Variants in ZNF12 observed in about 807,000 individuals in gnomAD.
The protein encoded by ZNF12 is gonadotropin inducible transcription repressor 3.
A neutral mutation model predicts 66.6 loss-of-function variants in ZNF12; 34 were observed. The ratio of observed to expected loss-of-function variants is 0.51; its 90% CI spans 0.39 to 0.68. ZNF12 has a LOEUF of 0.68. ZNF12 is among the 30% of genes least tolerant of loss of function. The probability of loss-of-function intolerance (pLI) is 0.00; values close to 1 mark genes in which losing one functional copy is unlikely to be tolerated. For synonymous variants in ZNF12, 320 were observed against 278.9 expected (o/e 1.15, Z -1.47); for missense variants, 697 against 826.9 (o/e 0.84, Z 1.93).
At chr7:6,701,761 C>T (rs1780246497) in intron 2 of ZNF12, among the ~76,000 whole-genome samples, 2 of 152,074 alleles carry the variant, frequency 1.3e-5, no homozygotes, top group Admixed American at 1.3e-4. Flanking sequence ...GCATCTCTGT[C>T]CCCTCTGGCT....
chr7:6,692,301 T>G lies in ZNF12; in HGVS notation c.641A>C (p.Glu214Ala), dbSNP rs372088966. 130 of 1,610,342 alleles carry G rather than the reference T, an allele frequency of 8.1e-5. No individual in the cohort carries two copies. The highest frequency in any genetic ancestry group is 1.0e-4 in the Non-Finnish European group (120 of 1,178,754). Residue 214 changes from glutamate (E) to alanine (A), a missense_variant, in exon 5 of 5, where the codon GAG becomes GCG. This residue lies in a region of ZNF12 where 241 missense variants were observed against 224.0 expected (regional missense o/e 1.08). Coordinates refer to ENST00000405858, the MANE Select transcript of ZNF12 (RefSeq NM_016265.4). This position sits in a 1 kb window ranked among gnomAD's most constrained non-coding sequence, Gnocchi z 5.1. ...GCATTCAATATATTCAAAAGGTTTCTCCAAAATACGAATTTTCTGATAAAG... is the reference window on the plus strand; with the variant it reads ...GCATTCAATATATTCAAAAGGTTTCGCCAAAATACGAATTTTCTGATAAAG... The part of the protein sequence containing the change: ...ESLYQKIRIL[E>A]KPFEYIECQK...
rs745456811 is a variant in ZNF12 at position 6,691,925 on chromosome 7, G to A, written c.1017C>T (p.His339=). The A allele has an allele frequency of 8.1e-6, 13 of 1,614,134 alleles. No individual in the cohort carries two copies. In the Middle Eastern group the frequency reaches 8.2e-4, roughly 102 times the overall value. The change falls in exon 5 of 5, where the codon CAC becomes CAT. Residue 339 remains histidine, a synonymous_variant. Transcript: ENST00000405858. ...AGTGAGTTCTCTGATGCTGAATGAG[G>A]TGTAACTTCTGGTAAAAGTTCTTCC... ...ECGKNFYQKL[H]LIQHQRTHSG... is the part of the protein sequence containing the mutation.
chr7:6,694,029 T>A (rs904821294), intron 4 of ZNF12, among the ~76,000 whole-genome samples: 3 of 151,916 alleles, frequency 2.0e-5, no homozygotes, highest in Non-Finnish European at 2.9e-5. Flanking sequence ...TAGCCGGGCG[T>A]GGTGGTGGGC....
Position 6,706,516 on chromosome 7 carries a change from G to A in ZNF12, c.-135C>T. ...GTCGCGGGCGCGCGTCTGCTCGCGA[G>A]GTCCCTTCCTGTCCACCTCACCAAG... On this transcript the variant is annotated 5_prime_UTR_variant, in exon 1 of 5. Transcript: ENST00000405858. 2 of 471,638 alleles carry A rather than the reference G, an allele frequency of 4.2e-6. No individual in the cohort carries two copies. The highest frequency in any genetic ancestry group is 3.0e-5 in the South Asian group (2 of 65,700). The allele number at this position is 471,638 out of a possible 1,614,324, so 29.2% of individuals were successfully genotyped here. A position where few individuals can be genotyped will look rare whatever the true frequency, so the allele number is the denominator to read the frequency against.
intron 1 of ZNF12, 123 bp downstream of exon 1, chr7:6,706,309 C>G: frequency 2.3e-6 from 1 of 436,370 alleles, no homozygotes; most frequent in South Asian, 1.6e-5. Flanking sequence ...TGCCTTCAAA[C>G]CCAAACACAC....
rs1200079794 is a variant in ZNF12 at position 6,706,538 on chromosome 7, C to T, written c.-157G>A. 4.2e-6 allele frequency: 2 copies of T among 471,434 alleles called. No individual in the cohort carries two copies. Among genetic ancestry groups the T allele is most frequent in the Non-Finnish European group, 8.4e-6 (2 of 236,978 alleles). 29.2% of individuals were successfully genotyped at this position (471,434 alleles called of 1,614,324 possible). On this transcript the variant is annotated 5_prime_UTR_variant, in exon 1 of 5. Coordinates refer to ENST00000405858, the MANE Select transcript of ZNF12 (RefSeq NM_016265.4). ...CGAGGTCCCTTCCTGTCCACCTCAC[C>T]AAGGCCGTTCTGCTCCAGAGGGGCC...
intron 2 of ZNF12, among the ~76,000 whole-genome samples, chr7:6,701,290 C>T (rs1170925870): frequency 6.6e-6 from 1 of 152,154 alleles, no homozygotes; most frequent in Admixed American, 6.5e-5. Flanking sequence ...GAAAGAAGTG[C>T]CTCTTAAAAT....
At position 6,691,883 on chromosome 7, in the gene ZNF12, A is replaced by G; in HGVS notation, c.1059T>C (p.Tyr353=). ...HQRTHSGEKP[Y]ECSYCGKSFC... ...AGGATTTTCCACAATAACTACATTC[A>G]TAGGGCTTCTCTCCTGAGTGAGTTC... The change falls in exon 5 of 5, where the codon TAT becomes TAC. Residue 353 remains tyrosine (Y), a synonymous_variant. Transcript: ENST00000405858. 2.5e-6 allele frequency: 4 copies of G among 1,614,206 alleles called. No individual in the cohort carries two copies. The highest frequency in any genetic ancestry group is 3.4e-6 in the Non-Finnish European group (4 of 1,180,036).
intron 2 of ZNF12, among the ~76,000 whole-genome samples, chr7:6,701,067 T>C (rs1380356325): frequency 6.6e-6 from 1 of 152,204 alleles, no homozygotes; most frequent in African/African-American, 2.4e-5. Context: ...AGCCTCATAT[T>C]CCTGGGCTCA....
At chr7:6,706,390 C>T (rs555312134) in intron 1 of ZNF12, 42 bp downstream of exon 1, 2 of 460,952 alleles carry the variant, frequency 4.3e-6, no homozygotes, top group Non-Finnish European at 4.3e-6. Flanking sequence ...GGTGACTTCA[C>T]CCAGGCCCTT....
rs925788169 is a variant in ZNF12, at chr7:6,692,806, T to C, written c.239-103A>G. The C allele has an allele frequency of 1.7e-6, 2 of 1,167,752 alleles. No individual in the cohort carries two copies. Among genetic ancestry groups the C allele is most frequent in the African/African-American group, 1.6e-5 (1 of 63,842 alleles). 72.3% of individuals were successfully genotyped at this position (1,167,752 alleles called of 1,614,324 possible). The stretch of plus-strand genomic sequence containing the variant: ...ACACACGCATCTCATTGTGAGTAGA[T>C]GCTAGCTTCATGAACAGATGAAAAT... On this transcript the variant is annotated intron_variant, in intron 4 of 4. Transcript: ENST00000405858. The surrounding 1 kb of genome is among the most constrained non-coding windows in gnomAD (Gnocchi z 5.1).
rs1780168212 is a variant in ZNF12 at position 6,697,288 on chromosome 7, G to C, written c.238+51C>G. The C allele has an allele frequency of 2.5e-5, 36 of 1,445,408 alleles. No homozygotes were observed. Among genetic ancestry groups the C allele is most frequent in the Non-Finnish European group, 3.3e-5 (35 of 1,050,444 alleles). 89.5% of individuals were successfully genotyped at this position (1,445,408 alleles called of 1,614,324 possible). A position where few individuals can be genotyped will look rare whatever the true frequency, so the allele number is the denominator to read the frequency against. ...GGTTCGGGACCATTAAAAAATCCCT[G>C]GGAAAAACACTCCCAAGTTACCGAT... On this transcript the variant is annotated intron_variant, in intron 4 of 4. Coordinates refer to ENST00000405858, the MANE Select transcript of ZNF12 (RefSeq NM_016265.4). The surrounding 1 kb of genome is among the most constrained non-coding windows in gnomAD (Gnocchi z 6.1).
rs527924174 is a variant in ZNF12 at position 6,689,709 on chromosome 7, A to T, written c.*1139T>A. On this transcript the variant is annotated 3_prime_UTR_variant, in exon 5 of 5. Coordinates refer to ENST00000405858, the MANE Select transcript of ZNF12 (RefSeq NM_016265.4). ...TCAAATGAAAACACAGTGAATTCCT[A>T]TGTTAGAAAGTCACTCGGCAATGTC... 3.3e-5 allele frequency: 5 copies of T among 152,234 alleles called. No individual in the cohort carries two copies. The East Asian group carries it at 9.7e-4, about 30-fold the overall frequency. The allele number at this position is 152,234 out of a possible 1,614,324, so 9.4% of individuals were successfully genotyped here.
rs955803983 is a variant in ZNF12 at position 6,705,856 on chromosome 7, G to T, written c.-51+576C>A. ...ATAAAGGAATACAGTCGGCATAATT[G>T]AGTCTTTATTTGCAGAAACTTCAGT... On this transcript the variant is annotated intron_variant, in intron 1 of 4. Coordinates refer to ENST00000405858, the MANE Select transcript of ZNF12 (RefSeq NM_016265.4). This position sits in a 1 kb window ranked among gnomAD's most constrained non-coding sequence, Gnocchi z 4.0. Among the ~76,000 whole-genome samples, 13 of 152,166 alleles carry T rather than the reference G, an allele frequency of 8.5e-5. No homozygotes were observed. The highest frequency in any genetic ancestry group is 2.7e-4 in the African/African-American group (11 of 41,426).
At position 6,691,498 on chromosome 7, in the gene ZNF12, T is replaced by C. The variant is rs766221530; in HGVS notation, c.1444A>G (p.Arg482Gly). The change falls in exon 5 of 5, where the codon AGA becomes GGA. Residue 482 changes from arginine (R) to glycine (G), a missense_variant. Physicochemically the swap from Arg to Gly is moderately radical, Grantham distance 125. Around this residue, in one of 3 missense-constraint regions of ZNF12, gnomAD observed 401 missense variants for 519.0 expected, o/e 0.77. Transcript: ENST00000405858. ...KTFYLNSALM[R>G]HQRVHTGEKP... ...TCTCCTGTGTGCACTCTCTGATGTC[T>C]CATGAGGGCTGAATTCAGGTAGAAG... The C allele has an allele frequency of 6.2e-7, 1 of 1,614,026 alleles. No individual in the cohort carries two copies. Among genetic ancestry groups the C allele is most frequent in the South Asian group, 1.1e-5 (1 of 91,080 alleles).
Position 6,692,237 on chromosome 7 carries a change from G to T in ZNF12, c.705C>A (p.His235Gln). Residue 235 changes from histidine to glutamine, a missense_variant, in exon 5 of 5, where the codon CAC (histidine) becomes CAA (glutamine). By Grantham distance (24) the His-to-Gln change is conservative (BLOSUM62 0). Around this residue, in one of 3 missense-constraint regions of ZNF12, gnomAD observed 241 missense variants for 224.0 expected, o/e 1.08. Transcript: ENST00000405858. The surrounding 1 kb of genome is among the most constrained non-coding windows in gnomAD (Gnocchi z 5.1). The part of the protein sequence containing the change: ...AFQKDTVFVN[H>Q]MEEKPYKWNG... ...TCCACTTATAGGGCTTTTCTTCCATGTGATTAACAAAAACAGTGTCCTTTT... is the reference window on the plus strand; with the variant it reads ...TCCACTTATAGGGCTTTTCTTCCATTTGATTAACAAAAACAGTGTCCTTTT... The T allele has an allele frequency of 6.2e-7, 1 of 1,613,870 alleles. No homozygotes were observed. The highest frequency in any genetic ancestry group is 8.5e-7 in the Non-Finnish European group (1 of 1,179,814).
chr7:6,703,221 T>C (rs549491829), intron 2 of ZNF12, among the ~76,000 whole-genome samples: 1 of 152,346 alleles, frequency 6.6e-6, no homozygotes, highest in East Asian at 1.9e-4. Context: ...GTAGCCACTC[T>C]GGGAGCCACG....
At position 6,697,269 on chromosome 7, in the gene ZNF12, G is replaced by A; in HGVS notation, c.238+70C>T. On this transcript the variant is annotated intron_variant, in intron 4 of 4. Coordinates refer to ENST00000405858, the MANE Select transcript of ZNF12 (RefSeq NM_016265.4). The surrounding 1 kb of genome is among the most constrained non-coding windows in gnomAD (Gnocchi z 6.1). The stretch of plus-strand genomic sequence containing the variant: ...ATTTCTAGTCACTTCTAAAGGTTCG[G>A]GACCATTAAAAAATCCCTGGGAAAA... The A allele has an allele frequency of 1.6e-6, 2 of 1,214,488 alleles. No homozygotes were observed. The highest frequency in any genetic ancestry group is 2.4e-6 in the Non-Finnish European group (2 of 846,516). The allele number at this position is 1,214,488 out of a possible 1,614,324, so 75.2% of individuals were successfully genotyped here. A position where few individuals can be genotyped will look rare whatever the true frequency, so the allele number is the denominator to read the frequency against.
chr7:6,689,881 C>A lies in ZNF12; in HGVS notation c.*967G>T, dbSNP rs536125894. ...TGCTCTGCACTGTTATGTAAGTGTC[C>A]AAATAAAAAACAGTAGAAAAAAAAA... On this transcript the variant is annotated 3_prime_UTR_variant, in exon 5 of 5. Transcript: ENST00000405858. 20 of 151,848 alleles carry A rather than the reference C, an allele frequency of 1.3e-4. No homozygotes were observed. The highest frequency in any genetic ancestry group is 2.1e-4 in the South Asian group (1 of 4,780). 9.4% of individuals were successfully genotyped at this position (151,848 alleles called of 1,614,324 possible).
Sources: allele counts gnomAD v4.1 joint callset (sites outside exome capture counted in the v4.1 genomes callset), GRCh38; gene constraint gnomAD v4.1.1; regional missense constraint gnomAD v4.1.1; non-coding constraint Gnocchi (gnomAD v3.1); transcripts MANE v1.5; gene names NCBI Gene and HGNC (gene_info 2026-07-23, HGNC 2026-07-21).